Variants in SNX29 observed in about 807,000 individuals in gnomAD.
The protein encoded by SNX29 is sorting nexin 29.
Under a neutral mutation model 102.1 loss-of-function variants are expected in SNX29, and 78 were observed. The observed-to-expected ratio is 0.76, with a 90% CI of 0.64 to 0.92. The LOEUF (loss-of-function observed/expected upper bound fraction) is 0.92, where lower values mean the gene tolerates loss of function less well. Ranked by LOEUF, SNX29 falls within the 40% of genes least tolerant of loss-of-function variation. The pLI, the probability that SNX29 is intolerant of heterozygous loss-of-function variation, is 0.00. For synonymous variants in SNX29, 580 were observed against 414.5 expected (o/e 1.40, Z -4.85); for missense variants, 1,280 against 1,061.7 (o/e 1.21, Z -2.86).
chr16:12,198,546 T>G (rs2076835939), intron 13 of SNX29, among the ~76,000 whole-genome samples: 1 of 152,214 alleles, frequency 6.6e-6, no homozygotes. Context: ...TTAAAGGCAC[T>G]TAGACTCAAG....
In SNX29 at chr16:12,571,490, G is replaced by T. The variant is rs982395429; in HGVS notation, c.*2861G>T. 2 of 335,778 alleles carry T rather than the reference G, an allele frequency of 6.0e-6. No individual in the cohort carries two copies. The highest frequency in any genetic ancestry group is 1.3e-4 in the South Asian group (1 of 7,572). The allele number at this position is 335,778 out of a possible 1,614,324, so 20.8% of individuals were successfully genotyped here. On this transcript the variant is annotated 3_prime_UTR_variant, in exon 21 of 21. Coordinates refer to ENST00000566228, the MANE Select transcript of SNX29 (RefSeq NM_032167.5). ...CCCCCTCCCCTACTCAGAGAGGAAC[G>T]AGGGTGGCCCACCTCTCAAGGGCCT... is the stretch of plus-strand genomic sequence containing the variant.
intron 11 of SNX29, among the ~76,000 whole-genome samples, chr16:12,085,433 T>G (rs998093566): frequency 2.6e-5 from 4 of 152,204 alleles, no homozygotes; most frequent in Non-Finnish European, 4.4e-5. Flanking sequence ...TTCAAGTGAT[T>G]CTACTGCCTC....
intron 11 of SNX29, among the ~76,000 whole-genome samples, chr16:12,124,984 A>T (rs1457268918): frequency 6.6e-6 from 1 of 152,184 alleles, no homozygotes; most frequent in Non-Finnish European, 1.5e-5. Flanking sequence ...AGAGGAAGGA[A>T]ATCACAATGA....
chr16:12,199,292 C>T (rs151249880), intron 13 of SNX29, among the ~76,000 whole-genome samples: 120 of 152,284 alleles, frequency 7.9e-4, no homozygotes, highest in Non-Finnish European at 1.1e-3. Context: ...TGAATAGGCA[C>T]CTGATAGGTG....
chr16:12,463,784 A>G (rs1426794753), intron 18 of SNX29, among the ~76,000 whole-genome samples: 8 of 151,354 alleles, frequency 5.3e-5, no homozygotes, highest in South Asian at 4.2e-4. Flanking sequence ...GACTGCCACA[A>G]TCAGATTAAC....
chr16:12,351,748 AT>A (rs1363353308), intron 15 of SNX29, among the ~76,000 whole-genome samples: 1 of 151,248 alleles, frequency 6.6e-6, no homozygotes, highest in African/African-American at 2.4e-5. Context: ...TGAAGGCATC[AT>A]TTTCCAAAGC....
intron 19 of SNX29, among the ~76,000 whole-genome samples, chr16:12,504,902 C>A (rs2089302597): frequency 6.6e-6 from 1 of 152,130 alleles, no homozygotes; most frequent in Non-Finnish European, 1.5e-5. Context: ...AATAATATTT[C>A]ATTGTGTGGC....
intron 10 of SNX29, among the ~76,000 whole-genome samples, chr16:12,070,334 C>A (rs868724602): frequency 2.5e-3 from 302 of 123,194 alleles, no homozygotes; most frequent in South Asian, 4.6e-3. Context: ...CCCCTCCCCC[C>A]ACCCCACAAC....
At chr16:12,141,433 A>G (rs1345127724) in intron 13 of SNX29, among the ~76,000 whole-genome samples, 1 of 152,252 alleles carries the variant, frequency 6.6e-6, no homozygotes, top group Non-Finnish European at 1.5e-5. Context: ...ATTCAGGGCA[A>G]GTGCTTAAAG....
chr16:12,352,505 T>C (rs1291103186), intron 15 of SNX29, among the ~76,000 whole-genome samples: 1 of 151,996 alleles, frequency 6.6e-6, no homozygotes, highest in Non-Finnish European at 1.5e-5. Flanking sequence ...ACCCTAAAAC[T>C]TAAAGTATAA....
intron 13 of SNX29, among the ~76,000 whole-genome samples, chr16:12,139,927 G>A (rs944382508): frequency 7.9e-5 from 11 of 138,782 alleles, no homozygotes; most frequent in Admixed American, 6.3e-4. Context: ...GCTGCAGTGA[G>A]CTGAGATTGT....
At chr16:12,420,571 C>T (rs1478463736) in intron 18 of SNX29, among the ~76,000 whole-genome samples, 1 of 152,144 alleles carries the variant, frequency 6.6e-6, no homozygotes, top group Non-Finnish European at 1.5e-5. Context: ...AACCCGAGTT[C>T]ACACCTGTAT....
At chr16:12,110,440 C>G (rs2053457147) in intron 11 of SNX29, among the ~76,000 whole-genome samples, 1 of 152,138 alleles carries the variant, frequency 6.6e-6, no homozygotes, top group South Asian at 2.1e-4. Context: ...ACAGATGACT[C>G]AGACCATAGA....
At chr16:12,542,460 T>C (rs1597851851) in intron 20 of SNX29, among the ~76,000 whole-genome samples, 1 of 152,344 alleles carries the variant, frequency 6.6e-6, no homozygotes, top group East Asian at 1.9e-4. Context: ...GCTTCCCAAG[T>C]AGCTGGGATT....
intron 19 of SNX29, among the ~76,000 whole-genome samples, chr16:12,520,897 C>T (rs116612875): frequency 6.6e-4 from 100 of 152,266 alleles, no homozygotes; most frequent in African/African-American, 2.3e-3. Context: ...TCAGAATTCA[C>T]CACTAAAGAA....
chr16:12,543,749 G>GGGAGATTT (rs2077453251), intron 20 of SNX29, among the ~76,000 whole-genome samples: 1 of 152,212 alleles, frequency 6.6e-6, no homozygotes, highest in South Asian at 2.1e-4. Context: ...AGTTGACTGG[G>GGGAGATTT]GGAGATTTTC....
intron 19 of SNX29, among the ~76,000 whole-genome samples, chr16:12,503,258 C>T (rs1344568247): frequency 6.6e-6 from 1 of 152,208 alleles, no homozygotes; most frequent in Non-Finnish European, 1.5e-5. Context: ...GAAGCAGGTG[C>T]TGGATAAATA....
At chr16:12,154,986 A>G (rs1419802517) in intron 13 of SNX29, among the ~76,000 whole-genome samples, 1 of 152,176 alleles carries the variant, frequency 6.6e-6, no homozygotes, top group Admixed American at 6.5e-5. Flanking sequence ...AAACATTGAG[A>G]CCACAGTAGC....
intron 14 of SNX29, among the ~76,000 whole-genome samples, chr16:12,254,961 A>G (rs144113958): frequency 6.6e-6 from 1 of 152,288 alleles, no homozygotes; most frequent in East Asian, 1.9e-4. Context: ...GGAGTAAGGA[A>G]ATGCAGCAGT....
Sources: allele counts gnomAD v4.1 joint callset (sites outside exome capture counted in the v4.1 genomes callset), GRCh38; gene constraint gnomAD v4.1.1; transcripts MANE v1.5; gene names NCBI Gene and HGNC (gene_info 2026-07-23, HGNC 2026-07-21).